The following EMILIN2 variants were observed in gnomAD, a reference collection of about 807,000 sequenced individuals.
EMILIN2 encodes the protein elastin microfibril interfacer 2, also known as EMILIN-2.
In EMILIN2, 71 loss-of-function variants were observed where a neutral mutation model predicts 87.1. The ratio of observed to expected loss-of-function variants is 0.82; its 90% CI spans 0.67 to 0.99. EMILIN2 has a LOEUF of 0.99. Ranked by LOEUF, EMILIN2 falls within the 50% of genes least tolerant of loss-of-function variation. EMILIN2 has a pLI of 0.00. For missense variants in EMILIN2, 1,407 were observed against 1,371.8 expected (o/e 1.03, Z -0.40); for synonymous variants, 581 against 563.4 (o/e 1.03, Z -0.44).
intron 2 of EMILIN2, among the ~76,000 whole-genome samples, chr18:2,868,115 T>C (rs2076697683): frequency 6.6e-6 from 1 of 151,164 alleles, no homozygotes; most frequent in Non-Finnish European, 1.5e-5. Flanking sequence ...ACTCCTGACT[T>C]CTCAGATGGG....
intron 2 of EMILIN2, among the ~76,000 whole-genome samples, chr18:2,867,820 C>G (rs1157051530): frequency 6.6e-6 from 1 of 152,262 alleles, no homozygotes; most frequent in Non-Finnish European, 1.5e-5. Context: ...CTCTATTCCA[C>G]AAAACCGCCA....
chr18:2,867,455 G>A (rs2076692209), intron 2 of EMILIN2, among the ~76,000 whole-genome samples: 1 of 152,174 alleles, frequency 6.6e-6, no homozygotes, highest in South Asian at 2.1e-4. Context: ...AGATAAACAA[G>A]TGAACAAAGG....
intron 2 of EMILIN2, among the ~76,000 whole-genome samples, chr18:2,863,496 G>A (rs145756003): frequency 6.6e-6 from 1 of 152,244 alleles, no homozygotes; most frequent in African/African-American, 2.4e-5. Flanking sequence ...TCATTCAGGA[G>A]CAGGTTTTTC....
rs746752384 is a variant in EMILIN2, at chr18:2,891,224, T to C, written c.1097T>C (p.Ile366Thr). ...TATGGGAGCAGCTACCTGGGAGTGA[T>C]AGAGCTCATAGGGGAGAAGGAAACA... The part of the protein sequence containing the change: ...DDYGSSYLGV[I>T]ELIGEKETSL... Residue 366 changes from isoleucine to threonine, a missense_variant, in exon 4 of 8, where the codon ATA becomes ACA. Ile to Thr is a moderately conservative substitution (Grantham distance 89). Transcript: ENST00000254528. The surrounding 1 kb of genome is among the most constrained non-coding windows in gnomAD (Gnocchi z 4.6). 1.2e-6 allele frequency: 2 copies of C among 1,614,144 alleles called. No individual in the cohort carries two copies. Among genetic ancestry groups the C allele is most frequent in the South Asian group, 1.1e-5 (1 of 91,080 alleles).
intron 2 of EMILIN2, among the ~76,000 whole-genome samples, chr18:2,861,449 A>G (rs190278023): frequency 2.7e-4 from 41 of 152,264 alleles, no homozygotes; most frequent in Non-Finnish European, 4.1e-4. Context: ...CTTTCTCCAT[A>G]TGGCTAGCCA....
intron 2 of EMILIN2, among the ~76,000 whole-genome samples, chr18:2,882,533 C>T (rs1011729928): frequency 6.6e-6 from 1 of 152,106 alleles, no homozygotes; most frequent in African/African-American, 2.4e-5. Context: ...TCACTTGAGG[C>T]CATGGGCTCG....
chr18:2,885,145 T>C lies in EMILIN2; in HGVS notation c.433+6T>C, dbSNP rs573332649. On this transcript the variant is annotated splice_donor_region_variant and intron_variant, in intron 3 of 7. Transcript: ENST00000254528. The stretch of plus-strand genomic sequence containing the variant: ...CAGCTTGAAGAAAGCCACAGGTAAC[T>C]TCTTATTTGTGCTATTATGTATGGC... The C allele has an allele frequency of 6.3e-7, 1 of 1,592,930 alleles. No homozygotes were observed. Among genetic ancestry groups the C allele is most frequent in the Admixed American group, 1.8e-5 (1 of 56,380 alleles).
chr18:2,870,743 G>A (rs553690824), intron 2 of EMILIN2, among the ~76,000 whole-genome samples: 4 of 152,330 alleles, frequency 2.6e-5, no homozygotes, highest in Admixed American at 6.5e-5. Flanking sequence ...CAAGACACAC[G>A]AGCAGGGACC....
At chr18:2,852,161 C>T (rs960615329) in intron 2 of EMILIN2, among the ~76,000 whole-genome samples, 1 of 152,202 alleles carries the variant, frequency 6.6e-6, no homozygotes, top group Non-Finnish European at 1.5e-5. Flanking sequence ...TGTGCATTCG[C>T]GCGTGTGCAT....
intron 4 of EMILIN2, among the ~76,000 whole-genome samples, chr18:2,905,158 G>T (rs962044641): frequency 2.0e-5 from 3 of 151,916 alleles, no homozygotes; most frequent in African/African-American, 7.3e-5. Flanking sequence ...AATTAGCTCT[G>T]TATCATCCTC....
At chr18:2,863,274 TTTGCTCTTGCTTC>T (rs2076670336) in intron 2 of EMILIN2, among the ~76,000 whole-genome samples, 1 of 152,208 alleles carries the variant, frequency 6.6e-6, no homozygotes, top group Non-Finnish European at 1.5e-5. Context: ...TTTGAATGTG[TTTGCTCTTGCTTC>T]TCTAGTTCTT....
At chr18:2,873,575 C>T (rs867007604) in intron 2 of EMILIN2, among the ~76,000 whole-genome samples, 97 of 151,548 alleles carry the variant, frequency 6.4e-4, no homozygotes, top group Middle Eastern at 3.4e-3. Context: ...GGCGTGGTGG[C>T]GGGCGCCTGT....
intron 2 of EMILIN2, among the ~76,000 whole-genome samples, chr18:2,866,100 T>C (rs768496318): frequency 8.5e-5 from 13 of 152,234 alleles, no homozygotes; most frequent in Non-Finnish European, 1.5e-4. Flanking sequence ...TTCCAGGTGC[T>C]GTCTGTCACC....
Position 2,851,274 on chromosome 18 carries a change from T to TA in EMILIN2, c.257+3355dup, listed in dbSNP as rs796173904. Reference sequence around the variant, plus strand: ...GCAACATAGTGTGACCCTATCACTATAAAAAAAAAAAATAGCAGGGCATGG... The same window carrying TA: ...GCAACATAGTGTGACCCTATCACTATAAAAAAAAAAAAATAGCAGGGCATGG... On this transcript the variant is annotated intron_variant, in intron 2 of 7. Coordinates refer to ENST00000254528, the MANE Select transcript of EMILIN2 (RefSeq NM_032048.3). Among the ~76,000 whole-genome samples, 1,215 of 140,792 alleles carry TA rather than the reference T, an allele frequency of 8.6e-3. 7 individuals carry two copies. Among genetic ancestry groups the TA allele is most frequent in the African/African-American group, 0.024 (943 of 38,840 alleles). 92.4% of individuals were successfully genotyped at this position (140,792 alleles called of 152,430 possible). A position where few individuals can be genotyped will look rare whatever the true frequency, so the allele number is the denominator to read the frequency against.
intron 2 of EMILIN2, among the ~76,000 whole-genome samples, chr18:2,869,841 G>A (rs7241980): frequency 0.6 from 90,028 of 150,966 alleles, 27,370 homozygotes; most frequent in African/African-American, 0.67. Flanking sequence ...TGCTGAAGAC[G>A]TGGTGAAATA....
At chr18:2,872,783 C>A (rs1310125664) in intron 2 of EMILIN2, among the ~76,000 whole-genome samples, 3 of 152,042 alleles carry the variant, frequency 2.0e-5, no homozygotes, top group Non-Finnish European at 4.4e-5. Context: ...GATACAGTGA[C>A]CAAAGATATA....
At chr18:2,907,611 A>T (rs73375217) in intron 5 of EMILIN2, among the ~76,000 whole-genome samples, 1 of 152,196 alleles carries the variant, frequency 6.6e-6, no homozygotes, top group African/African-American at 2.4e-5. Flanking sequence ...AGTGCTCCCC[A>T]TGAGTTGTGA....
At chr18:2,889,284 C>CA (rs2076820552) in intron 3 of EMILIN2, among the ~76,000 whole-genome samples, 1 of 151,676 alleles carries the variant, frequency 6.6e-6, no homozygotes, top group Non-Finnish European at 1.5e-5. Context: ...ATTACAGGCA[C>CA]CAGCCACCAC....
intron 7 of EMILIN2, among the ~76,000 whole-genome samples, chr18:2,912,372 G>A (rs552803015): frequency 8.7e-4 from 132 of 152,170 alleles, no homozygotes; most frequent in Non-Finnish European, 1.6e-3. Context: ...TGGGCCCTCC[G>A]CTTTATGTCC....
Sources: gnomAD v4.1 joint callset for allele counts (sites outside exome capture counted in the v4.1 genomes callset) on GRCh38, gnomAD v4.1.1 for gene constraint, Gnocchi (gnomAD v3.1) non-coding constraint, MANE v1.5 for transcripts, NCBI Gene and HGNC (gene_info 2026-07-23, HGNC 2026-07-21) for gene names.